ZNF92: variants seen among roughly 807,000 people sequenced by gnomAD.
ZNF92 encodes the protein epididymis luminal protein 203.
Under a neutral mutation model 12.4 loss-of-function variants are expected in ZNF92, and 11 were observed. That is an observed-to-expected ratio of 0.89 (90% CI 0.56 to 1.47). The LOEUF (loss-of-function observed/expected upper bound fraction) is 1.47, where lower values mean the gene tolerates loss of function less well. Ranked by LOEUF, ZNF92 falls within the 40% of genes most tolerant of loss-of-function variation. The pLI, the probability that ZNF92 is intolerant of heterozygous loss-of-function variation, is 0.00. For missense variants in ZNF92, 622 were observed against 681.0 expected (o/e 0.91, Z 0.96); for synonymous variants, 206 against 228.6 (o/e 0.90, Z 0.89).
At chr7:65,374,056 T>C (rs1237247301) in intron 1 of ZNF92, 56 bp downstream of exon 1, 4 of 1,612,474 alleles carry the variant, frequency 2.5e-6, no homozygotes, top group Non-Finnish European at 1.7e-6. Flanking sequence ...CTGGAACCGA[T>C]TGGAAGTGGC....
chr7:65,391,816 T>A (rs1438594422), intron 3 of ZNF92, among the ~76,000 whole-genome samples: 1 of 152,154 alleles, frequency 6.6e-6, no homozygotes, highest in Non-Finnish European at 1.5e-5. Flanking sequence ...GCATTTTCTC[T>A]GAAATTTTAC....
rs1408542744 is a variant in ZNF92 at position 65,398,554 on chromosome 7, G to A, written c.440G>A (p.Cys147Tyr). 5.0e-6 allele frequency: 8 copies of A among 1,610,076 alleles called. No homozygotes were observed. Among genetic ancestry groups the A allele is most frequent in the Non-Finnish European group, 6.8e-6 (8 of 1,178,636 alleles). Residue 147 changes from cysteine to tyrosine, a missense_variant, in exon 4 of 4, where the codon TGT (cysteine) becomes TAT (tyrosine). Physicochemically the swap from Cys to Tyr is radical, Grantham distance 194. Transcript: ENST00000328747. ...LTTTDSKIFQ[C>Y]DKYVKVFHKF... ...ACTACTGACAGCAAGATATTTCAGT[G>A]TGATAAATATGTGAAAGTCTTTCAT...
chr7:65,387,430 ATCT>A (rs944743242), intron 1 of ZNF92, among the ~76,000 whole-genome samples: 2 of 152,102 alleles, frequency 1.3e-5, no homozygotes, highest in African/African-American at 2.4e-5. Context: ...TGACAAAATA[ATCT>A]TCTTGGGCAA....
intron 1 of ZNF92, among the ~76,000 whole-genome samples, chr7:65,381,351 A>G (rs1034079660): frequency 1.5e-5 from 2 of 135,080 alleles, no homozygotes; most frequent in Non-Finnish European, 3.0e-5. Context: ...TCCTTTGCCT[A>G]CTTTTTAATA....
At chr7:65,377,607 A>G (rs1562788127) in intron 1 of ZNF92, among the ~76,000 whole-genome samples, 1 of 82,822 alleles carries the variant, frequency 1.2e-5, no homozygotes, top group African/African-American at 9.3e-5. Flanking sequence ...CACTGGCGCG[A>G]TCTAGACTCA....
rs193193187 is a variant in ZNF92 at position 65,379,241 on chromosome 7, G to A, written c.3+5241G>A. ...GGGACTGAATCCTGAATCAGGGTCC[G>A]TGCAGACTCTGGATGGTGTCAGAAT... On this transcript the variant is annotated intron_variant, in intron 1 of 3. Transcript: ENST00000328747. Among the ~76,000 whole-genome samples, 463 of 152,244 alleles carry A rather than the reference G, an allele frequency of 3.0e-3. 3 individuals are homozygous for A. Among genetic ancestry groups the A allele is most frequent in the Middle Eastern group, 6.8e-3 (2 of 294 alleles).
At chr7:65,388,146 A>G in intron 2 of ZNF92, 118 bp downstream of exon 2, 1 of 1,133,692 alleles carries the variant, frequency 8.8e-7, no homozygotes, top group Non-Finnish European at 1.2e-6. Flanking sequence ...CCAGTTTTCA[A>G]GAAAACAGAG....
chr7:65,392,006 G>C (rs1187932930), intron 3 of ZNF92, among the ~76,000 whole-genome samples: 1 of 151,986 alleles, frequency 6.6e-6, no homozygotes, highest in African/African-American at 2.4e-5. Context: ...TTTTTGTTTA[G>C]TGTAGGTTTC....
At chr7:65,390,190 T>G (rs1793674895) in intron 3 of ZNF92, among the ~76,000 whole-genome samples, 1 of 152,202 alleles carries the variant, frequency 6.6e-6, no homozygotes, top group Admixed American at 6.5e-5. Context: ...TAGACATGTT[T>G]AAATGTTTAT....
rs555228529 is a variant in ZNF92, at chr7:65,394,310, C to T, written c.227-4031C>T. 2.1e-5 allele frequency among the ~76,000 whole-genome samples: 3 copies of T among 145,094 alleles called. No homozygotes were observed. In the East Asian group the frequency reaches 5.8e-4, roughly 28 times the overall value. ...CACCATTATTTTTTGAAGAGACTAT[C>T]TTTCCTCTATTGTGTGCTCATGGCA... On this transcript the variant is annotated intron_variant, in intron 3 of 3. Transcript: ENST00000328747.
At chr7:65,392,409 AAC>A (rs1327836605) in intron 3 of ZNF92, among the ~76,000 whole-genome samples, 7 of 151,712 alleles carry the variant, frequency 4.6e-5, no homozygotes, top group Non-Finnish European at 1.0e-4. Flanking sequence ...TTGTTGTAAA[AAC>A]ACATAACCTA....
rs1300247656 is a variant in ZNF92 at position 65,401,040 on chromosome 7, TTGA to T, written c.*1167_*1169del. ...CATTTTAAAATTAATTATCATTTTG[TTGA>T]TTGTGCTTTTATGTAATAAAATGCA... is the stretch of plus-strand genomic sequence containing the variant. On this transcript the variant is annotated 3_prime_UTR_variant, in exon 4 of 4. Coordinates refer to ENST00000328747, the MANE Select transcript of ZNF92 (RefSeq NM_152626.4). 1.3e-5 allele frequency: 2 copies of T among 152,066 alleles called. No individual in the cohort carries two copies. Among genetic ancestry groups the T allele is most frequent in the African/African-American group, 4.8e-5 (2 of 41,426 alleles). The allele number at this position is 152,066 out of a possible 1,614,324, so 9.4% of individuals were successfully genotyped here. A position where few individuals can be genotyped will look rare whatever the true frequency, so the allele number is the denominator to read the frequency against.
chr7:65,382,023 A>G (rs1461745173), intron 1 of ZNF92, among the ~76,000 whole-genome samples: 2 of 152,144 alleles, frequency 1.3e-5, no homozygotes, highest in Non-Finnish European at 2.9e-5. Context: ...GCCTACCTTC[A>G]GCAGGCACCT....
At chr7:65,375,270 T>G (rs1372993878) in intron 1 of ZNF92, among the ~76,000 whole-genome samples, 1 of 152,040 alleles carries the variant, frequency 6.6e-6, no homozygotes, top group African/African-American at 2.4e-5. Flanking sequence ...GGTCCTGGGT[T>G]TTAGTACTGT....
At chr7:65,374,096 G>C (rs1049958043) in intron 1 of ZNF92, 96 bp downstream of exon 1, 1 of 1,542,616 alleles carries the variant, frequency 6.5e-7, no homozygotes, top group South Asian at 1.1e-5. Flanking sequence ...TCCCGCAGTC[G>C]GCTCCGAGAT....
chr7:65,394,527 T>A (rs1395174232), intron 3 of ZNF92, among the ~76,000 whole-genome samples: 2 of 152,176 alleles, frequency 1.3e-5, no homozygotes, highest in African/African-American at 4.8e-5. Context: ...GTTATAGATT[T>A]TAATCAAATT....
In ZNF92 at chr7:65,399,341, C is replaced by T. The variant is rs1277826595; in HGVS notation, c.1227C>T (p.Ser409=). 1.2e-6 allele frequency: 2 copies of T among 1,613,444 alleles called. No individual in the cohort carries two copies. Among genetic ancestry groups the T allele is most frequent in the Non-Finnish European group, 1.7e-6 (2 of 1,179,776 alleles). The stretch of plus-strand genomic sequence containing the variant: ...AATGTGGCAAAGCTTTTAAACAGTC[C>T]TCAACCCTTACTGAACATAAGATAA... ...CEECGKAFKQ[S]STLTEHKIIH... The change falls in exon 4 of 4, where the codon TCC becomes TCT. Residue 409 remains serine, a synonymous_variant. Coordinates refer to ENST00000328747, the MANE Select transcript of ZNF92 (RefSeq NM_152626.4).
chr7:65,382,728 C>T (rs1159628004), intron 1 of ZNF92, among the ~76,000 whole-genome samples: 2 of 152,086 alleles, frequency 1.3e-5, no homozygotes, highest in African/African-American at 4.8e-5. Context: ...CCTTCCTTCT[C>T]TTTTTAAAAT....
chr7:65,388,849 A>C lies in ZNF92; in HGVS notation c.174A>C (p.Gln58His). 6.3e-7 allele frequency: 1 copy of C among 1,587,290 alleles called. No individual in the cohort carries two copies. The highest frequency in any genetic ancestry group is 1.1e-5 in the South Asian group (1 of 90,700). ...CAGACCTGATCACCTGGCTGGAGCA[A>C]GGAAAAGAGCCCTGGAATCTGAAGA... ...SKPDLITWLE[Q>H]GKEPWNLKRH... is the part of the protein sequence containing the mutation. The change falls in exon 3 of 4, where the codon CAA becomes CAC. Residue 58 changes from glutamine (Q) to histidine (H), a missense_variant. Transcript: ENST00000328747.
Sources: gnomAD v4.1 joint callset for allele counts (sites outside exome capture counted in the v4.1 genomes callset) on GRCh38, gnomAD v4.1.1 for gene constraint, MANE v1.5 for transcripts, NCBI Gene and HGNC (gene_info 2026-07-23, HGNC 2026-07-21) for gene names.